Variants in RCE1 observed in about 807,000 individuals in gnomAD.
RCE1 encodes Ras converting CAAX endopeptidase 1.
Under a neutral mutation model 35.0 loss-of-function variants are expected in RCE1, and 15 were observed. The observed-to-expected ratio is 0.43, with a 90% CI of 0.29 to 0.66. The LOEUF is 0.66. RCE1 is among the 30% of genes least tolerant of loss of function. RCE1 has a pLI of 0.17. For synonymous variants in RCE1, 261 were observed against 192.7 expected (o/e 1.35, Z -2.94); for missense variants, 434 against 433.0 (o/e 1.00, Z -0.02).
intron 3 of RCE1, 31 bp downstream of exon 3, chr11:66,844,070 G>A (rs777340838): frequency 1.2e-6 from 2 of 1,613,842 alleles, no homozygotes; most frequent in Non-Finnish European, 1.7e-6. Context: ...TTTTCTTCTG[G>A]TCTTTGTTAT....
rs546091945 is a variant in RCE1 at position 66,846,211 on chromosome 11, G to C, written c.*116G>C. 6.5e-5 allele frequency: 86 copies of C among 1,319,428 alleles called. 2 individuals carry two copies. In the South Asian group the frequency reaches 1.2e-3, roughly 18 times the overall value. 81.7% of individuals were successfully genotyped at this position (1,319,428 alleles called of 1,614,324 possible). ...CGAGATCTCAGGAATTTTTGTAGGG[G>C]ATTGAAGCCAGAGCTAGTTGCGTCC... On this transcript the variant is annotated 3_prime_UTR_variant, in exon 8 of 8. Transcript: ENST00000309657.
At chr11:66,844,797 G>A in intron 4 of RCE1, 72 bp from the exon 5 acceptor site, 1 of 1,471,530 alleles carries the variant, frequency 6.8e-7, no homozygotes, top group Non-Finnish European at 9.0e-7. Flanking sequence ...TGGGAGAGGA[G>A]CCCTTGGAGC....
chr11:66,843,441 G>C lies in RCE1; in HGVS notation c.-15G>C. On this transcript the variant is annotated 5_prime_UTR_variant, in exon 1 of 8. Transcript: ENST00000309657. ...TGGGACTGCGTCACTGGTGCGCGCC[G>C]CGGGTCAGGGCGCAATGGCGGCGCT... The C allele has an allele frequency of 7.2e-7, 1 of 1,382,316 alleles. No homozygotes were observed. The allele number at this position is 1,382,316 out of a possible 1,614,324, so 85.6% of individuals were successfully genotyped here.
In RCE1 at chr11:66,844,304, C is replaced by G. The variant is rs1277395379; in HGVS notation, c.391C>G (p.Leu131Val). The change falls in exon 4 of 8, where the codon CTG becomes GTG. Residue 131 changes from leucine to valine, a missense_variant. Physicochemically the swap from Leu to Val is conservative, Grantham distance 32. Coordinates refer to ENST00000309657, the MANE Select transcript of RCE1 (RefSeq NM_005133.3). ...CCCTCAGATTCTTTTCCTGGGCCCA[C>G]TGATGCAGCTCTCTATGGATTGCCC... ...LLTMILFLGP[L>V]MQLSMDCPCD... 1 of 1,614,042 alleles carries G rather than the reference C, an allele frequency of 6.2e-7. No homozygotes were observed. Among genetic ancestry groups the G allele is most frequent in the Non-Finnish European group, 8.5e-7 (1 of 1,180,040 alleles).
chr11:66,844,722 T>C (rs1591101307), intron 4 of RCE1, 147 bp from the exon 5 acceptor site: 39 of 1,188,714 alleles, frequency 3.3e-5, no homozygotes, highest in Non-Finnish European at 4.0e-5. Flanking sequence ...TGGGTTTATG[T>C]TGGGTCCACA....
At position 66,846,039 on chromosome 11, in the gene RCE1, C is replaced by T; in HGVS notation, c.934C>T (p.Pro312Ser). Reference sequence around the variant, plus strand: ...GGACCCCAAGCTCTACGGCAGCCTTCCCCTTTGTGTGCTTTTGGAGCGGGC... The same window carrying T: ...GGACCCCAAGCTCTACGGCAGCCTTTCCCTTTGTGTGCTTTTGGAGCGGGC... ...LTDPKLYGSL[P>S]LCVLLERAGD... Residue 312 changes from proline (P) to serine (S), a missense_variant, in exon 8 of 8, where the codon CCC (proline) becomes TCC (serine). Coordinates refer to ENST00000309657, the MANE Select transcript of RCE1 (RefSeq NM_005133.3). 2.5e-6 allele frequency: 4 copies of T among 1,613,754 alleles called. No individual in the cohort carries two copies. The highest frequency in any genetic ancestry group is 3.4e-6 in the Non-Finnish European group (4 of 1,180,014).
rs776579853 is a variant in RCE1, at chr11:66,843,814, C to T, written c.241C>T (p.Leu81Phe). Residue 81 changes from leucine (L) to phenylalanine (F), a missense_variant, in exon 2 of 8, where the codon CTC (leucine) becomes TTC (phenylalanine). Leu to Phe is a conservative substitution (Grantham distance 22, BLOSUM62 0). Transcript: ENST00000309657. ...RFTSVLVVSS[L>F]SPLCVLLWRE... ...CACCAGCGTCCTGGTGGTGTCCAGT[C>T]TCTCACCCCTGTGCGTGCTGCTCTG... 8.7e-6 allele frequency: 14 copies of T among 1,613,956 alleles called. No homozygotes were observed. The Middle Eastern group carries it at 8.2e-4, about 95-fold the overall frequency.
chr11:66,846,151 AGGGGTACTGCAGGGGAAGGGCTGGCT>A lies in RCE1; in HGVS notation c.*62_*87del. On this transcript the variant is annotated 3_prime_UTR_variant, in exon 8 of 8. Transcript: ENST00000309657. The stretch of plus-strand genomic sequence containing the variant: ...ACCGGCTCCCCAGCCCTCCCCACCA[AGGGGTACTGCAGGGGAAGGGCTGGCT>A]GGGGTCCCCGAGATCTCAGGAATTT... 4 of 1,520,474 alleles carry A rather than the reference AGGGGTACTGCAGGGGAAGGGCTGGCT, an allele frequency of 2.6e-6. No individual in the cohort carries two copies. Among genetic ancestry groups the A allele is most frequent in the Non-Finnish European group, 2.6e-6 (3 of 1,137,898 alleles). The allele number at this position is 1,520,474 out of a possible 1,614,324, so 94.2% of individuals were successfully genotyped here. A position where few individuals can be genotyped will look rare whatever the true frequency, so the allele number is the denominator to read the frequency against.
intron 3 of RCE1, 107 bp downstream of exon 3, chr11:66,844,146 G>C: frequency 6.3e-7 from 1 of 1,591,516 alleles, no homozygotes; most frequent in Non-Finnish European, 8.6e-7. Context: ...CAGGACTTTT[G>C]AGATGGCCCC....
chr11:66,845,769 T>G, intron 7 of RCE1, 91 bp from the exon 8 acceptor site: 1 of 1,521,784 alleles, frequency 6.6e-7, no homozygotes, highest in Non-Finnish European at 8.9e-7. Flanking sequence ...GGGATCTTGA[T>G]CTCCTGTTTC....
intron 6 of RCE1, 44 bp from the exon 7 acceptor site, chr11:66,845,456 G>C: frequency 6.2e-7 from 1 of 1,613,972 alleles, no homozygotes; most frequent in Middle Eastern, 1.6e-4. Flanking sequence ...GTGGGGGCAG[G>C]AAGGGCGTGC....
At chr11:66,845,125 T>A in intron 5 of RCE1, 41 bp from the exon 6 acceptor site, 2 of 1,614,130 alleles carry the variant, frequency 1.2e-6, no homozygotes, top group Non-Finnish European at 1.7e-6. Context: ...GAAGGGAGGC[T>A]GGGAGGAATG....
At chr11:66,845,405 G>T in intron 6 of RCE1, 95 bp from the exon 7 acceptor site, 2 of 1,599,884 alleles carry the variant, frequency 1.3e-6, no homozygotes, top group Non-Finnish European at 1.7e-6. Flanking sequence ...TACTGCCCCG[G>T]GGGGAGGGGA....
At chr11:66,844,155 C>G (rs1004823184) in intron 3 of RCE1, 116 bp downstream of exon 3, 237 of 1,587,826 alleles carry the variant, frequency 1.5e-4, no homozygotes, top group Non-Finnish European at 1.9e-4. Context: ...TGAGATGGCC[C>G]CAGGGTCCTC....
intron 6 of RCE1, 97 bp from the exon 7 acceptor site, chr11:66,845,403 C>CG (rs1306319972): frequency 6.3e-6 from 10 of 1,597,654 alleles, no homozygotes; most frequent in Middle Eastern, 1.7e-4. Flanking sequence ...GCTACTGCCC[C>CG]GGGGGGAGGG....
rs761510028 is a variant in RCE1 at position 66,843,539 on chromosome 11, CCTGGGCCCCGGG to C, written c.88_99del (p.Gly30_Leu33del). On this transcript the variant is annotated inframe_deletion, in exon 1 of 8. Transcript: ENST00000309657. Reference sequence around the variant, plus strand: ...CGCCCGAGTCGGCGGCGCTGGGCGGCCTGGGCCCCGGGCTGTGCTGCTGGGTGTCAGTGTTCT... The same window carrying C: ...CGCCCGAGTCGGCGGCGCTGGGCGGCCTGTGCTGCTGGGTGTCAGTGTTCT... 3 of 1,534,794 alleles carry C rather than the reference CCTGGGCCCCGGG, an allele frequency of 2.0e-6. No individual in the cohort carries two copies. Among genetic ancestry groups the C allele is most frequent in the Non-Finnish European group, 1.7e-6 (2 of 1,150,372 alleles).
chr11:66,844,075 T>C (rs1945152812), intron 3 of RCE1, 36 bp downstream of exon 3: 1 of 1,613,802 alleles, frequency 6.2e-7, no homozygotes, highest in Non-Finnish European at 8.5e-7. Flanking sequence ...TTCTGGTCTT[T>C]GTTATCAGCC....
At chr11:66,844,741 C>T in intron 4 of RCE1, 128 bp from the exon 5 acceptor site, 1 of 1,313,352 alleles carries the variant, frequency 7.6e-7, no homozygotes, top group Non-Finnish European at 1.0e-6. Flanking sequence ...CACCCCCGTC[C>T]TCAGCAGTAT....
At position 66,846,352 on chromosome 11, in the gene RCE1, C is replaced by A; in HGVS notation, c.*257C>A. On this transcript the variant is annotated 3_prime_UTR_variant, in exon 8 of 8. Coordinates refer to ENST00000309657, the MANE Select transcript of RCE1 (RefSeq NM_005133.3). ...GCAGGTCCCAGGAGCCACACACTCC[C>A]TTCCTCACTTTGGACTGCTGCTTCT... is the stretch of plus-strand genomic sequence containing the variant. 1 of 436,992 alleles carries A rather than the reference C, an allele frequency of 2.3e-6. No individual in the cohort carries two copies. Among genetic ancestry groups the A allele is most frequent in the Non-Finnish European group, 4.0e-6 (1 of 247,074 alleles). 27.1% of individuals were successfully genotyped at this position (436,992 alleles called of 1,614,324 possible). A position where few individuals can be genotyped will look rare whatever the true frequency, so the allele number is the denominator to read the frequency against.
Sources: allele counts gnomAD v4.1 joint callset, GRCh38; gene constraint gnomAD v4.1.1; transcripts MANE v1.5; gene names NCBI Gene and HGNC (gene_info 2026-07-23, HGNC 2026-07-21).